ZCCHC24: variants seen among roughly 807,000 people sequenced by gnomAD.
ZCCHC24 encodes the protein zinc finger CCHC-type containing 24.
In ZCCHC24, 10 loss-of-function variants were observed where a neutral mutation model predicts 26.2. That is an observed-to-expected ratio of 0.38 (90% CI 0.24 to 0.65). ZCCHC24 has a LOEUF of 0.65. Among genes scored for constraint, ZCCHC24 ranks in the 30% least tolerant of loss-of-function variants. The probability of loss-of-function intolerance (pLI) is 0.54; values close to 1 mark genes in which losing one functional copy is unlikely to be tolerated. For synonymous variants in ZCCHC24, 144 were observed against 147.1 expected (o/e 0.98, Z 0.15); for missense variants, 243 against 329.1 (o/e 0.74, Z 2.03).
At chr10:79,428,522 GT>G in intron 2 of ZCCHC24, among the ~76,000 whole-genome samples, 1 of 146,906 alleles carries the variant, frequency 6.8e-6, no homozygotes, top group Non-Finnish European at 1.5e-5. Flanking sequence ...GGTGGTGATG[GT>G]CATACAACGA....
At chr10:79,431,899 AGG>A (rs1435757448) in intron 2 of ZCCHC24, among the ~76,000 whole-genome samples, 2 of 152,218 alleles carry the variant, frequency 1.3e-5, no homozygotes, top group African/African-American at 4.8e-5. Context: ...TCAGTGGGTC[AGG>A]GACCATCCTG....
At chr10:79,441,724 A>G (rs1468597452) in intron 1 of ZCCHC24, among the ~76,000 whole-genome samples, 2 of 152,204 alleles carry the variant, frequency 1.3e-5, no homozygotes, top group African/African-American at 4.8e-5. Context: ...ATTTGACCAC[A>G]AAGTCCCTCC....
Position 79,428,124 on chromosome 10 carries a change from T to C in ZCCHC24, c.447+4434A>G, listed in dbSNP as rs76107743. ...CCAAAAGGTGGAAGCAATCCAGTTG[T>C]CCATTGATGGGTGAACTGATTTAAA... On this transcript the variant is annotated intron_variant, in intron 2 of 3. Transcript: ENST00000372336. 5.8e-3 allele frequency among the ~76,000 whole-genome samples: 891 copies of C among 152,352 alleles called. 9 individuals are homozygous for C. The highest frequency in any genetic ancestry group is 0.034 in the Middle Eastern group (10 of 294).
chr10:79,403,118 T>C (rs1485997747), intron 2 of ZCCHC24, among the ~76,000 whole-genome samples: 1 of 152,186 alleles, frequency 6.6e-6, no homozygotes, highest in African/African-American at 2.4e-5. Flanking sequence ...CCTAGCCACA[T>C]ACTCCTGGGC....
At chr10:79,430,615 T>C (rs1256281245) in intron 2 of ZCCHC24, among the ~76,000 whole-genome samples, 4 of 151,752 alleles carry the variant, frequency 2.6e-5, no homozygotes, top group Non-Finnish European at 5.9e-5. Context: ...TGCCCCAGCA[T>C]TTAGAAGAGC....
chr10:79,425,060 G>A (rs990079366), intron 2 of ZCCHC24, among the ~76,000 whole-genome samples: 1 of 152,188 alleles, frequency 6.6e-6, no homozygotes. Flanking sequence ...GAACATGTCT[G>A]GAGTCCTGCT....
At chr10:79,432,038 C>A (rs980966318) in intron 2 of ZCCHC24, among the ~76,000 whole-genome samples, 1 of 152,240 alleles carries the variant, frequency 6.6e-6, no homozygotes, top group Non-Finnish European at 1.5e-5. Flanking sequence ...TGCCTGAAGC[C>A]TTCCCCCAGC....
In ZCCHC24 at chr10:79,404,672, C is replaced by CCT. The variant is rs537924929; in HGVS notation, c.448-10234_448-10233dup. Among the ~76,000 whole-genome samples, 10 of 152,282 alleles carry CCT rather than the reference C, an allele frequency of 6.6e-5. No individual in the cohort carries two copies. The East Asian group carries it at 1.9e-3, about 29-fold the overall frequency. ...CAGCAAGACCTTTCTTCCGACTGCA[C>CCT]CTCTCTCTCCTGCTGCAGTCACCGC... On this transcript the variant is annotated intron_variant, in intron 2 of 3. Transcript: ENST00000372336.
Position 79,386,280 on chromosome 10 carries a change from A to T in ZCCHC24, c.*65T>A. 6.8e-7 allele frequency: 1 copy of T among 1,479,244 alleles called. No individual in the cohort carries two copies. Among genetic ancestry groups the T allele is most frequent in the Non-Finnish European group, 9.3e-7 (1 of 1,070,352 alleles). 91.6% of individuals were successfully genotyped at this position (1,479,244 alleles called of 1,614,324 possible). A position where few individuals can be genotyped will look rare whatever the true frequency, so the allele number is the denominator to read the frequency against. On this transcript the variant is annotated 3_prime_UTR_variant, in exon 4 of 4. Transcript: ENST00000372336. ...AGGGCGACACGCAGCCCCTCGGAGT[A>T]GCACAGGGAAGCAGCGTCTCCTCGG...
chr10:79,437,214 A>AT (rs149612210), intron 1 of ZCCHC24, among the ~76,000 whole-genome samples: 4,666 of 151,914 alleles, frequency 0.031, 211 homozygotes, highest in African/African-American at 0.11. Flanking sequence ...CGGCTGGCTG[A>AT]TTTTTTGTAT....
chr10:79,417,951 G>A (rs1856887471), intron 2 of ZCCHC24, among the ~76,000 whole-genome samples: 1 of 152,188 alleles, frequency 6.6e-6, no homozygotes, highest in East Asian at 1.9e-4. Context: ...CCTTGCCCCA[G>A]CTGGGCCACC....
At chr10:79,440,326 G>GC (rs1172891747) in intron 1 of ZCCHC24, among the ~76,000 whole-genome samples, 4 of 152,250 alleles carry the variant, frequency 2.6e-5, no homozygotes, top group Non-Finnish European at 4.4e-5. Flanking sequence ...AAGCAGGCCA[G>GC]CCCTGGACTC....
intron 2 of ZCCHC24, among the ~76,000 whole-genome samples, chr10:79,405,040 C>A (rs1050940808): frequency 6.6e-6 from 1 of 152,212 alleles, no homozygotes; most frequent in African/African-American, 2.4e-5. Flanking sequence ...ACTGCTGAGT[C>A]CCAGGCTGGC....
At chr10:79,409,582 G>C (rs1856763920) in intron 2 of ZCCHC24, among the ~76,000 whole-genome samples, 2 of 152,178 alleles carry the variant, frequency 1.3e-5, no homozygotes, top group African/African-American at 4.8e-5. Flanking sequence ...ATTTGGACAT[G>C]ACTATCAGCC....
intron 2 of ZCCHC24, among the ~76,000 whole-genome samples, chr10:79,397,894 C>T (rs1419808430): frequency 1.3e-5 from 2 of 152,160 alleles, no homozygotes; most frequent in Non-Finnish European, 2.9e-5. Context: ...AATTTGTTCC[C>T]AGAGCCCCTG....
chr10:79,435,023 A>C (rs1175640812), intron 1 of ZCCHC24, among the ~76,000 whole-genome samples: 1 of 151,896 alleles, frequency 6.6e-6, no homozygotes, highest in Non-Finnish European at 1.5e-5. Context: ...TCTTGACTCG[A>C]AGACTTTCCC....
rs534934197 is a variant in ZCCHC24 at position 79,425,967 on chromosome 10, C to T, written c.447+6591G>A. 3.3e-5 allele frequency among the ~76,000 whole-genome samples: 5 copies of T among 152,300 alleles called. No individual in the cohort carries two copies. The South Asian group carries it at 1.0e-3, about 32-fold the overall frequency. ...GACTAGACCATGGCCTAGGCACAGCCTCACCCCACAAGGATGGACTGCCCT... is the reference window on the plus strand; with the variant it reads ...GACTAGACCATGGCCTAGGCACAGCTTCACCCCACAAGGATGGACTGCCCT... On this transcript the variant is annotated intron_variant, in intron 2 of 3. Coordinates refer to ENST00000372336, the MANE Select transcript of ZCCHC24 (RefSeq NM_153367.4).
chr10:79,415,256 G>A (rs998123296), intron 2 of ZCCHC24, among the ~76,000 whole-genome samples: 1 of 152,146 alleles, frequency 6.6e-6, no homozygotes, highest in Admixed American at 6.5e-5. Flanking sequence ...CAATGAAGAG[G>A]GGCCCCAGGC....
intron 2 of ZCCHC24, among the ~76,000 whole-genome samples, chr10:79,429,867 TC>T (rs1271055563): frequency 2.0e-5 from 3 of 152,272 alleles, no homozygotes; most frequent in African/African-American, 7.2e-5. Flanking sequence ...GTCAACCCGT[TC>T]CTCCCTTCAG....
Sources: allele counts gnomAD v4.1 joint callset (sites outside exome capture counted in the v4.1 genomes callset), GRCh38; gene constraint gnomAD v4.1.1; transcripts MANE v1.5; gene names NCBI Gene and HGNC (gene_info 2026-07-23, HGNC 2026-07-21).